SPNS1: variants seen among roughly 807,000 people sequenced by gnomAD.
SPNS1 encodes the protein SPNS lysolipid transporter 1, lysophospholipid, also known as protein spinster homolog 1.
Under a neutral mutation model 50.3 loss-of-function variants are expected in SPNS1, and 22 were observed. The ratio of observed to expected loss-of-function variants is 0.44; its 90% CI spans 0.31 to 0.62. The LOEUF is 0.62. SPNS1 is among the 20% of genes least tolerant of loss of function. The pLI, the probability that SPNS1 is intolerant of heterozygous loss-of-function variation, is 0.07. For synonymous variants in SPNS1, 295 were observed against 317.4 expected (o/e 0.93, Z 0.75); for missense variants, 576 against 728.6 (o/e 0.79, Z 2.41).
In SPNS1 at chr16:28,981,596, C is replaced by A; in HGVS notation, c.790C>A (p.Leu264Met). ...GAACCCCACCTCGTGGTGGGCAGATCTGAGGGCTCTGGCAAGAAAGTGAGT... is the reference window on the plus strand; with the variant it reads ...GAACCCCACCTCGTGGTGGGCAGATATGAGGGCTCTGGCAAGAAAGTGAGT... ...PLNPTSWWAD[L>M]RALARNPSFV... Residue 264 changes from leucine to methionine, a missense_variant, in exon 6 of 12, where the codon CTG becomes ATG. Physicochemically the swap from Leu to Met is conservative, Grantham distance 15. Transcript: ENST00000311008. This position sits in a 1 kb window ranked among gnomAD's most constrained non-coding sequence, Gnocchi z 4.2. 1 of 1,614,128 alleles carries A rather than the reference C, an allele frequency of 6.2e-7. No individual in the cohort carries two copies. Among genetic ancestry groups the A allele is most frequent in the East Asian group, 2.2e-5 (1 of 44,878 alleles).
Position 28,983,664 on chromosome 16 carries a change from G to T in SPNS1, c.1321-122G>T. 1 of 1,211,620 alleles carries T rather than the reference G, an allele frequency of 8.3e-7. No homozygotes were observed. The highest frequency in any genetic ancestry group is 1.1e-6 in the Non-Finnish European group (1 of 875,440). 75.1% of individuals were successfully genotyped at this position (1,211,620 alleles called of 1,614,324 possible). ...TGATAGGCATGAGCCACTGCATCTA[G>T]CTCAAACCTCCTTCCCTTTCCTGGG... On this transcript the variant is annotated intron_variant, in intron 10 of 11. Transcript: ENST00000311008. This position sits in a 1 kb window ranked among gnomAD's most constrained non-coding sequence, Gnocchi z 5.4.
At chr16:28,982,644 A>T in intron 8 of SPNS1, 99 bp downstream of exon 8, 2 of 1,394,220 alleles carry the variant, frequency 1.4e-6, no homozygotes, top group Admixed American at 2.0e-5. Context: ...GTTTTGAATC[A>T]CAGCTCTGGC....
intron 2 of SPNS1, 27 bp from the exon 3 acceptor site, chr16:28,977,881 G>A (rs200363122): frequency 4.9e-4 from 795 of 1,611,354 alleles, no homozygotes; most frequent in Non-Finnish European, 6.3e-4. Flanking sequence ...TACCTGGGCT[G>A]AGCTGTGACT....
Position 28,975,203 on chromosome 16 carries a change from G to C in SPNS1, c.52G>C (p.Asp18His). 6.7e-7 allele frequency: 1 copy of C among 1,503,618 alleles called. No individual in the cohort carries two copies. Among genetic ancestry groups the C allele is most frequent in the Non-Finnish European group, 8.9e-7 (1 of 1,124,718 alleles). 93.1% of individuals were successfully genotyped at this position (1,503,618 alleles called of 1,614,324 possible). A position where few individuals can be genotyped will look rare whatever the true frequency, so the allele number is the denominator to read the frequency against. Residue 18 changes from aspartate to histidine, a missense_variant, in exon 1 of 12, where the codon GAC becomes CAC. By Grantham distance (81) the Asp-to-His change is moderately conservative. This residue lies in a region of SPNS1 where 144 missense variants were observed against 181.2 expected (regional missense o/e 0.79). Coordinates refer to ENST00000311008, the MANE Select transcript of SPNS1 (RefSeq NM_032038.3). ...CCTCAGCCAGGCGGATGACCCGGAC[G>C]ACGGGCCAGTGCCTGGCACCCCGGG... ...PFLSQADDPDDGPVPGTPGLP... is the reference protein window; with the variant it reads ...PFLSQADDPDHGPVPGTPGLP...
In SPNS1 at chr16:28,981,686, G is replaced by A. The variant is rs528423986; in HGVS notation, c.809+71G>A. 16 of 1,577,326 alleles carry A rather than the reference G, an allele frequency of 1.0e-5. No homozygotes were observed. The East Asian group carries it at 3.4e-4, about 33-fold the overall frequency. On this transcript the variant is annotated intron_variant, in intron 6 of 11. Coordinates refer to ENST00000311008, the MANE Select transcript of SPNS1 (RefSeq NM_032038.3). This position sits in a 1 kb window ranked among gnomAD's most constrained non-coding sequence, Gnocchi z 4.2. Reference sequence around the variant, plus strand: ...TCTGGTTTGAGGTTTAAGTGGGGATGTTCCTGTTCCTGGCCACACCCCAAG... The same window carrying A: ...TCTGGTTTGAGGTTTAAGTGGGGATATTCCTGTTCCTGGCCACACCCCAAG...
intron 4 of SPNS1, 32 bp from the exon 5 acceptor site, chr16:28,979,373 T>A: frequency 3.1e-6 from 5 of 1,613,836 alleles, no homozygotes; most frequent in Non-Finnish European, 4.2e-6. Context: ...TGACTGGCTG[T>A]CCCCCCTTTT....
chr16:28,982,313 C>A lies in SPNS1; in HGVS notation c.966-43C>A, dbSNP rs746871625. 6 of 1,513,230 alleles carry A rather than the reference C, an allele frequency of 4.0e-6. No homozygotes were observed. The African/African-American group carries it at 7.8e-5, about 20-fold the overall frequency. The allele number at this position is 1,513,230 out of a possible 1,614,324, so 93.7% of individuals were successfully genotyped here. A position where few individuals can be genotyped will look rare whatever the true frequency, so the allele number is the denominator to read the frequency against. ...AGGATGGACAGCGTAGGGGCCTTGGCAGGCACAGGGACAAACCCCCCATTC... is the reference window on the plus strand; with the variant it reads ...AGGATGGACAGCGTAGGGGCCTTGGAAGGCACAGGGACAAACCCCCCATTC... On this transcript the variant is annotated intron_variant, in intron 7 of 11. Coordinates refer to ENST00000311008, the MANE Select transcript of SPNS1 (RefSeq NM_032038.3).
chr16:28,984,238 G>C lies in SPNS1; in HGVS notation c.1526G>C (p.Arg509Pro), dbSNP rs199561184. ...CACGAAGCAGGGTCCACAGACGACC[G>C]GATTGTGGTGCCCCAGCGGGGCCGC... ...LLHEAGSTDD[R>P]IVVPQRGRST... Residue 509 changes from arginine (R) to proline (P), a missense_variant, in exon 12 of 12, where the codon CGG becomes CCG. Coordinates refer to ENST00000311008, the MANE Select transcript of SPNS1 (RefSeq NM_032038.3). 3.0e-5 allele frequency: 49 copies of C among 1,607,054 alleles called. No homozygotes were observed. In the Admixed American group the frequency reaches 8.2e-4, roughly 27 times the overall value.
At position 28,981,767 on chromosome 16, in the gene SPNS1, A is replaced by G. The variant is rs1965561652; in HGVS notation, c.810-134A>G. 1 of 1,488,066 alleles carries G rather than the reference A, an allele frequency of 6.7e-7. No homozygotes were observed. The highest frequency in any genetic ancestry group is 9.1e-7 in the Non-Finnish European group (1 of 1,094,330). The allele number at this position is 1,488,066 out of a possible 1,614,324, so 92.2% of individuals were successfully genotyped here. On this transcript the variant is annotated intron_variant, in intron 6 of 11. Transcript: ENST00000311008. This position sits in a 1 kb window ranked among gnomAD's most constrained non-coding sequence, Gnocchi z 4.2. The stretch of plus-strand genomic sequence containing the variant: ...TGGCAGCTGCTTGAATTACAGGCCC[A>G]GATCCTGGGAGCCAGAACCACCTCT...
At chr16:28,975,459 G>A (rs769696180) in intron 1 of SPNS1, 33 bp from the exon 2 acceptor site, 1 of 1,614,250 alleles carries the variant, frequency 6.2e-7, no homozygotes. Flanking sequence ...GGGTGGCGCT[G>A]CTTTGCCGGA....
Position 28,983,820 on chromosome 16 carries a change from CCTT to C in SPNS1, c.1359_1361del (p.Phe453del). The C allele has an allele frequency of 1.9e-6, 3 of 1,604,366 alleles. No individual in the cohort carries two copies. Among genetic ancestry groups the C allele is most frequent in the Non-Finnish European group, 2.5e-6 (3 of 1,178,204 alleles). ...CGCCTGCGCCGGAACTGGCCCCCCT[CCTT>C]CTTGTCCGAGTTCCGGGCTCTGCAG... On this transcript the variant is annotated inframe_deletion, in exon 11 of 12. Coordinates refer to ENST00000311008, the MANE Select transcript of SPNS1 (RefSeq NM_032038.3). This position sits in a 1 kb window ranked among gnomAD's most constrained non-coding sequence, Gnocchi z 5.4.
chr16:28,982,999 C>G (rs1468305630), intron 9 of SPNS1, 77 bp downstream of exon 9: 1 of 1,499,910 alleles, frequency 6.7e-7, no homozygotes, highest in Admixed American at 1.7e-5. Flanking sequence ...TTGCCTCTAC[C>G]CCTCAAAGCC....
At position 28,983,171 on chromosome 16, in the gene SPNS1, G is replaced by A. The variant is rs775515583; in HGVS notation, c.1222-21G>A. 6.3e-6 allele frequency: 10 copies of A among 1,588,896 alleles called. No individual in the cohort carries two copies. The highest frequency in any genetic ancestry group is 8.6e-6 in the Non-Finnish European group (10 of 1,158,492). ...CCCTGGAGCCCAGAGCATCCACTGA[G>A]CTCCACCAACTCCTCCACAGTACGT... is the stretch of plus-strand genomic sequence containing the variant. On this transcript the variant is annotated intron_variant, in intron 9 of 11. Coordinates refer to ENST00000311008, the MANE Select transcript of SPNS1 (RefSeq NM_032038.3). The surrounding 1 kb of genome is among the most constrained non-coding windows in gnomAD (Gnocchi z 5.4).
chr16:28,981,311 G>A lies in SPNS1; in HGVS notation c.664-159G>A. 1 of 915,636 alleles carries A rather than the reference G, an allele frequency of 1.1e-6. No individual in the cohort carries two copies. Among genetic ancestry groups the A allele is most frequent in the Non-Finnish European group, 1.6e-6 (1 of 623,450 alleles). The allele number at this position is 915,636 out of a possible 1,614,324, so 56.7% of individuals were successfully genotyped here. ...AAAAATAGGGTGGCCCCTAGTGGCA[G>A]CCCCCTTCCCCCAGATTGCAGGTTC... On this transcript the variant is annotated intron_variant, in intron 5 of 11. Transcript: ENST00000311008. The surrounding 1 kb of genome is among the most constrained non-coding windows in gnomAD (Gnocchi z 4.2).
chr16:28,975,638 G>C, intron 2 of SPNS1, 81 bp downstream of exon 2: 1 of 1,517,518 alleles, frequency 6.6e-7, no homozygotes, highest in South Asian at 1.1e-5. Context: ...GGCCTGTCTA[G>C]GGGCTCATTA....
intron 2 of SPNS1, among the ~76,000 whole-genome samples, chr16:28,975,912 A>T (rs1965324852): frequency 6.6e-6 from 1 of 152,182 alleles, no homozygotes; most frequent in Non-Finnish European, 1.5e-5. Flanking sequence ...TGATGTGAAG[A>T]TTAACTAAAA....
Position 28,983,512 on chromosome 16 carries a change from T to C in SPNS1, c.1320+222T>C, listed in dbSNP as rs1404667083. On this transcript the variant is annotated intron_variant, in intron 10 of 11. Coordinates refer to ENST00000311008, the MANE Select transcript of SPNS1 (RefSeq NM_032038.3). The surrounding 1 kb of genome is among the most constrained non-coding windows in gnomAD (Gnocchi z 5.4). The stretch of plus-strand genomic sequence containing the variant: ...CTCCTCCTTTCTTTTCTCTTTTCTT[T>C]TCTTCCTGAGACAAGACCTCACTCT... Among the ~76,000 whole-genome samples the C allele has an allele frequency of 2.0e-5, 3 of 152,194 alleles. No individual in the cohort carries two copies. The highest frequency in any genetic ancestry group is 7.2e-5 in the African/African-American group (3 of 41,460).
intron 5 of SPNS1, 151 bp downstream of exon 5, chr16:28,979,622 C>T (rs1965474029): frequency 2.6e-6 from 2 of 783,766 alleles, no homozygotes; most frequent in South Asian, 1.6e-5. Flanking sequence ...GCAGTCATAG[C>T]TCACTGTAGC....
In SPNS1 at chr16:28,984,278, C is replaced by A. The variant is rs376696716; in HGVS notation, c.1566C>A (p.Pro522=). Residue 522 remains proline, a synonymous_variant, in exon 12 of 12, where the codon CCC becomes CCA. Coordinates refer to ENST00000311008, the MANE Select transcript of SPNS1 (RefSeq NM_032038.3). The part of the protein sequence containing the change: ...VPQRGRSTRV[P]VASVLI ...AGCGGGGCCGCTCCACCCGCGTGCCCGTGGCCAGTGTGCTCATCTGAGAGG... is the reference window on the plus strand; with the variant it reads ...AGCGGGGCCGCTCCACCCGCGTGCCAGTGGCCAGTGTGCTCATCTGAGAGG... 1.2e-6 allele frequency: 2 copies of A among 1,612,578 alleles called. No homozygotes were observed. Among genetic ancestry groups the A allele is most frequent in the Non-Finnish European group, 1.7e-6 (2 of 1,179,832 alleles).
Sources: gnomAD v4.1 joint callset for allele counts (sites outside exome capture counted in the v4.1 genomes callset) on GRCh38, gnomAD v4.1.1 for gene constraint, gnomAD v4.1.1 regional missense constraint, Gnocchi (gnomAD v3.1) non-coding constraint, MANE v1.5 for transcripts, NCBI Gene and HGNC (gene_info 2026-07-23, HGNC 2026-07-21) for gene names.